Variants in TNKS observed in about 807,000 individuals in gnomAD.
The protein encoded by TNKS is poly [ADP-ribose] polymerase tankyrase-1.
Under a neutral mutation model 135.8 loss-of-function variants are expected in TNKS, and 72 were observed. The observed-to-expected ratio is 0.53, with a 90% CI of 0.44 to 0.64. TNKS has a LOEUF of 0.64. Ranked by LOEUF, TNKS falls within the 30% of genes least tolerant of loss-of-function variation. TNKS has a pLI of 0.00. For synonymous variants in TNKS, 849 were observed against 649.3 expected, an observed-to-expected ratio of 1.31 and a Z score of -4.68; for missense variants, 1,769 against 1,674.0, an observed-to-expected ratio of 1.06 and a Z score of -0.99.
At chr8:9,576,741 C>A (rs576385087) in intron 1 of TNKS, among the ~76,000 whole-genome samples, 12 of 152,074 alleles carry the variant, frequency 7.9e-5, no homozygotes, top group South Asian at 4.1e-4. Flanking sequence ...GGACACAGAG[C>A]CAAACCATAT....
At chr8:9,636,058 G>T (rs78793307) in intron 3 of TNKS, among the ~76,000 whole-genome samples, 3 of 152,054 alleles carry the variant, frequency 2.0e-5, no homozygotes, top group African/African-American at 7.2e-5. Flanking sequence ...TAAAAAATAG[G>T]CACTGAAGTA....
At chr8:9,689,145 C>CT (rs1381978005) in intron 5 of TNKS, among the ~76,000 whole-genome samples, 3 of 152,034 alleles carry the variant, frequency 2.0e-5, no homozygotes, top group Non-Finnish European at 4.4e-5. Context: ...TTATCACTGC[C>CT]TTTTTTTCCT....
intron 5 of TNKS, 124 bp from the exon 6 acceptor site, chr8:9,704,539 T>C (rs551887340): frequency 5.5e-6 from 4 of 722,702 alleles, no homozygotes; most frequent in Admixed American, 2.5e-5. Flanking sequence ...GAAATGTGAA[T>C]TTTTGACATT....
chr8:9,756,768 G>T (rs966400008), intron 20 of TNKS, among the ~76,000 whole-genome samples: 1 of 151,836 alleles, frequency 6.6e-6, no homozygotes, highest in African/African-American at 2.4e-5. Context: ...TATTTACCAG[G>T]CCCTGTAAAT....
In TNKS at chr8:9,735,480, T is replaced by A; in HGVS notation, c.2637T>A (p.Ser879=). Residue 879 remains serine (S), a synonymous_variant, in exon 17 of 27, where the codon TCT becomes TCA. Coordinates refer to ENST00000310430, the MANE Select transcript of TNKS (RefSeq NM_003747.3). ...GGLIPLHNAA[S]YGHVDIAALL... ...TAATTCCTCTTCATAATGCGGCATCTTATGGGGTAAGCATACTAACATTAA... is the reference window on the plus strand; with the variant it reads ...TAATTCCTCTTCATAATGCGGCATCATATGGGGTAAGCATACTAACATTAA... 6.2e-7 allele frequency: 1 copy of A among 1,613,060 alleles called. No individual in the cohort carries two copies. Among genetic ancestry groups the A allele is most frequent in the Non-Finnish European group, 8.5e-7 (1 of 1,179,058 alleles).
chr8:9,575,273 A>G, intron 1 of TNKS: 1 of 561,962 alleles, frequency 1.8e-6, no homozygotes, highest in Non-Finnish European at 2.3e-6. Context: ...TATTTAGTAG[A>G]GACGGGTTTC....
chr8:9,780,852 A>T lies in TNKS; in HGVS notation c.*4116A>T, dbSNP rs759116254. 1.3e-5 allele frequency: 2 copies of T among 152,154 alleles called. No homozygotes were observed. Among genetic ancestry groups the T allele is most frequent in the African/African-American group, 4.8e-5 (2 of 41,438 alleles). The allele number at this position is 152,154 out of a possible 1,614,324, so 9.4% of individuals were successfully genotyped here. On this transcript the variant is annotated 3_prime_UTR_variant, in exon 27 of 27. Transcript: ENST00000310430. The stretch of plus-strand genomic sequence containing the variant: ...AGCTGATTAAAATTAATCCATTTCA[A>T]TTTCTCCATATTGGAACTTCCTCAG...
At chr8:9,644,422 CA>C (rs1239665165) in intron 3 of TNKS, among the ~76,000 whole-genome samples, 1 of 152,128 alleles carries the variant, frequency 6.6e-6, no homozygotes, top group East Asian at 1.9e-4. Context: ...TAGTTATATT[CA>C]TTTGATATTT....
chr8:9,634,796 C>CTT (rs1800443864), intron 3 of TNKS, among the ~76,000 whole-genome samples: 1 of 151,716 alleles, frequency 6.6e-6, no homozygotes, highest in East Asian at 1.9e-4. Flanking sequence ...TTAAAAGACA[C>CTT]CAAAACTTTG....
In TNKS at chr8:9,777,833, T is replaced by C. The variant is rs1217787724; in HGVS notation, c.*1097T>C. On this transcript the variant is annotated 3_prime_UTR_variant, in exon 27 of 27. Coordinates refer to ENST00000310430, the MANE Select transcript of TNKS (RefSeq NM_003747.3). ...ACAAAAATACCACTTGATTGTTTCT[T>C]TAGTTGAGAATGCTGGGATTCAGAC... 2.0e-5 allele frequency: 3 copies of C among 152,440 alleles called. No homozygotes were observed. Among genetic ancestry groups the C allele is most frequent in the Admixed American group, 2.0e-4 (3 of 15,284 alleles). 9.4% of individuals were successfully genotyped at this position (152,440 alleles called of 1,614,324 possible). A position where few individuals can be genotyped will look rare whatever the true frequency, so the allele number is the denominator to read the frequency against.
Position 9,556,880 on chromosome 8 carries a change from G to A in TNKS, c.673+268G>A, listed in dbSNP as rs762315654. The A allele has an allele frequency of 5.4e-6, 3 of 560,694 alleles. No homozygotes were observed. The East Asian group carries it at 8.5e-5, about 16-fold the overall frequency. 34.7% of individuals were successfully genotyped at this position (560,694 alleles called of 1,614,324 possible). ...CTGTAGTTGGTAGTCTCTGCATATG[G>A]ATATATTTACACTTTAGTTTTTGGT... On this transcript the variant is annotated intron_variant, in intron 1 of 26. Transcript: ENST00000310430.
At chr8:9,744,114 T>A (rs1435029461) in intron 17 of TNKS, among the ~76,000 whole-genome samples, 1 of 152,208 alleles carries the variant, frequency 6.6e-6, no homozygotes, top group East Asian at 1.9e-4. Context: ...AAATACATAT[T>A]TATTTAAGAA....
At chr8:9,632,106 A>C (rs948371003) in intron 3 of TNKS, among the ~76,000 whole-genome samples, 1 of 152,218 alleles carries the variant, frequency 6.6e-6, no homozygotes, top group African/African-American at 2.4e-5. Context: ...GATAAGTAGA[A>C]AGATGCCAGA....
Position 9,766,316 on chromosome 8 carries a change from G to T in TNKS, c.3631G>T (p.Gly1211Trp). The change falls in exon 25 of 27, where the codon GGG (glycine) becomes TGG (tryptophan). Residue 1211 changes from glycine to tryptophan, a missense_variant. Gly to Trp is a radical substitution (Grantham distance 184). Transcript: ENST00000310430. The part of the protein sequence containing the change: ...HAYIGGMFGA[G>W]IYFAENSSKS... ...ATACATAGGAGGAATGTTTGGGGCC[G>T]GGATTTATTTTGCTGAAAACTCCTC... 6.2e-7 allele frequency: 1 copy of T among 1,613,726 alleles called. No individual in the cohort carries two copies. Among genetic ancestry groups the T allele is most frequent in the Admixed American group, 1.7e-5 (1 of 59,988 alleles).
At chr8:9,600,378 A>G (rs1798969743) in intron 2 of TNKS, among the ~76,000 whole-genome samples, 1 of 152,140 alleles carries the variant, frequency 6.6e-6, no homozygotes, top group Non-Finnish European at 1.5e-5. Flanking sequence ...CAGTGGTGTG[A>G]TCATGGCTCA....
At chr8:9,625,733 T>C (rs1003534036) in intron 3 of TNKS, among the ~76,000 whole-genome samples, 2 of 152,166 alleles carry the variant, frequency 1.3e-5, no homozygotes, top group East Asian at 1.9e-4. Context: ...TTTGATTCCA[T>C]TGTGCTTGAA....
intron 24 of TNKS, 131 bp from the exon 25 acceptor site, chr8:9,766,108 T>C (rs1265310200): frequency 1.3e-6 from 1 of 791,056 alleles, no homozygotes; most frequent in Non-Finnish European, 1.9e-6. Flanking sequence ...TAATAGACCT[T>C]CTTAGAAAAT....
chr8:9,649,250 C>A (rs1034404172), intron 3 of TNKS, among the ~76,000 whole-genome samples: 1 of 152,160 alleles, frequency 6.6e-6, no homozygotes, highest in African/African-American at 2.4e-5. Context: ...GTTTTGACAG[C>A]AGTCAGTCAA....
At chr8:9,656,333 A>G (rs962592053) in intron 3 of TNKS, among the ~76,000 whole-genome samples, 3 of 152,220 alleles carry the variant, frequency 2.0e-5, no homozygotes, top group Admixed American at 6.5e-5. Flanking sequence ...ATTATCCAGG[A>G]GAACTTCCCA....
Sources: allele counts gnomAD v4.1 joint callset (sites outside exome capture counted in the v4.1 genomes callset), GRCh38; gene constraint gnomAD v4.1.1; transcripts MANE v1.5; gene names NCBI Gene and HGNC (gene_info 2026-07-23, HGNC 2026-07-21).